The following PRR5L variants were observed in gnomAD, a reference collection of about 807,000 sequenced individuals.
PRR5L encodes the protein proline-rich protein 5-like.
Under a neutral mutation model 36.4 loss-of-function variants are expected in PRR5L, and 21 were observed. That is an observed-to-expected ratio of 0.58 (90% confidence interval 0.41 to 0.83). The LOEUF (loss-of-function observed/expected upper bound fraction) is 0.83. PRR5L is among the 40% of genes least tolerant of loss of function. PRR5L has a pLI of 0.00. For missense variants in PRR5L, 381 were observed against 473.3 expected, an observed-to-expected ratio of 0.80 and a Z score of 1.81; for synonymous variants, 188 against 197.0, an observed-to-expected ratio of 0.95 and a Z score of 0.38.
intron 2 of PRR5L, 129 bp downstream of exon 2, chr11:36,401,414 G>C (rs867955566): frequency 1.1e-6 from 1 of 898,204 alleles, no homozygotes; most frequent in Middle Eastern, 3.1e-4. Context: ...ATAATGACGA[G>C]AGCAAATTTT....
rs185591580 is a variant in PRR5L at position 36,420,696 on chromosome 11, G to C, written c.294+1393G>C. Among the ~76,000 whole-genome samples the C allele has an allele frequency of 7.6e-4, 115 of 151,710 alleles. 2 individuals carry two copies. Among genetic ancestry groups the C allele is most frequent in the Middle Eastern group, 3.4e-3 (1 of 290 alleles). ...AGCAATGTTATTCTGTGTCCAAATA[G>C]AGCATACTTTTAAGACAGTTTAAAG... On this transcript the variant is annotated intron_variant, in intron 4 of 8. Coordinates refer to ENST00000530639, the MANE Select transcript of PRR5L (RefSeq NM_001160167.2).
intron 1 of PRR5L, among the ~76,000 whole-genome samples, chr11:36,385,214 T>C (rs1346633422): frequency 6.6e-6 from 1 of 152,218 alleles, no homozygotes; most frequent in African/African-American, 2.4e-5. Context: ...TGTTTGTGTC[T>C]AGACTTTTTG....
At chr11:36,360,033 T>TCACACACACACA (rs34561988) in intron 1 of PRR5L, among the ~76,000 whole-genome samples, 1 of 146,570 alleles carries the variant, frequency 6.8e-6, no homozygotes, top group Non-Finnish European at 1.5e-5. Flanking sequence ...TGAGACTCTG[T>TCACACACACACA]CACACACACA....
chr11:36,408,760 C>G (rs1857963329), intron 3 of PRR5L, among the ~76,000 whole-genome samples: 1 of 152,186 alleles, frequency 6.6e-6, no homozygotes, highest in Admixed American at 6.5e-5. Flanking sequence ...TCTGCCACCT[C>G]TCCCACTGAT....
chr11:36,437,258 C>G, intron 5 of PRR5L, 127 bp from the exon 6 acceptor site: 1 of 775,282 alleles, frequency 1.3e-6, no homozygotes, highest in Non-Finnish European at 2.3e-6. Flanking sequence ...TTTAATAGCT[C>G]CTGGCTGCAA....
chr11:36,335,172 G>T (rs35926003), intron 1 of PRR5L, among the ~76,000 whole-genome samples: 4,388 of 151,866 alleles, frequency 0.029, 87 homozygotes, highest in Middle Eastern at 0.044. Flanking sequence ...TTGTGGCCTC[G>T]ACCTCAGCCT....
chr11:36,345,103 C>T (rs922668906), intron 1 of PRR5L, among the ~76,000 whole-genome samples: 3 of 152,074 alleles, frequency 2.0e-5, no homozygotes, highest in East Asian at 3.9e-4. Context: ...GTGAGAGCAG[C>T]GGCAGGAAGG....
intron 3 of PRR5L, among the ~76,000 whole-genome samples, chr11:36,413,725 A>T (rs1295871223): frequency 7.0e-6 from 1 of 142,304 alleles, no homozygotes; most frequent in East Asian, 1.9e-4. Flanking sequence ...ATTTTATTTT[A>T]TTATTATTAT....
At chr11:36,372,232 C>A (rs529048593) in intron 1 of PRR5L, among the ~76,000 whole-genome samples, 1 of 152,200 alleles carries the variant, frequency 6.6e-6, no homozygotes, top group South Asian at 2.1e-4. Flanking sequence ...AGTCACCTAA[C>A]CCTGCCTGAA....
chr11:36,412,328 C>T (rs554521091), intron 3 of PRR5L, among the ~76,000 whole-genome samples: 5 of 152,174 alleles, frequency 3.3e-5, no homozygotes, highest in Non-Finnish European at 4.4e-5. Context: ...TGGTGTCCAG[C>T]ACCCAGCAAG....
At chr11:36,431,610 A>C (rs1858496035) in intron 4 of PRR5L, among the ~76,000 whole-genome samples, 1 of 152,076 alleles carries the variant, frequency 6.6e-6, no homozygotes, top group Non-Finnish European at 1.5e-5. Flanking sequence ...CCCTCGTCTG[A>C]GGGATGAGGG....
intron 6 of PRR5L, among the ~76,000 whole-genome samples, chr11:36,441,000 C>A (rs1415245073): frequency 2.6e-5 from 4 of 152,204 alleles, no homozygotes; most frequent in Non-Finnish European, 5.9e-5. Context: ...AGGGATCTGT[C>A]CCTATGACTC....
In PRR5L at chr11:36,384,351, G is replaced by T. The variant is rs11033581; in HGVS notation, c.-125-16646G>T. ...TTGTCCATCTTCAATTACAGCCCTT[G>T]GTGTCTGCATTTATAGTATTACTTT... On this transcript the variant is annotated intron_variant, in intron 1 of 8. Transcript: ENST00000530639. 5.4e-3 allele frequency among the ~76,000 whole-genome samples: 829 copies of T among 152,192 alleles called. 34 individuals carry two copies. The East Asian group carries it at 0.11, about 19-fold the overall frequency.
chr11:36,404,929 T>C (rs1037357469), intron 3 of PRR5L, among the ~76,000 whole-genome samples: 1 of 152,194 alleles, frequency 6.6e-6, no homozygotes, highest in East Asian at 1.9e-4. Flanking sequence ...AACACACACG[T>C]TGCGAAGTTT....
At chr11:36,349,656 C>G (rs563254192) in intron 1 of PRR5L, among the ~76,000 whole-genome samples, 1 of 152,292 alleles carries the variant, frequency 6.6e-6, no homozygotes, top group South Asian at 2.1e-4. Flanking sequence ...CACATCTTCC[C>G]CATTCTGTGG....
intron 5 of PRR5L, among the ~76,000 whole-genome samples, chr11:36,435,133 G>A (rs1395157060): frequency 6.6e-6 from 1 of 152,084 alleles, no homozygotes; most frequent in East Asian, 1.9e-4. Context: ...CCAGGTGCTG[G>A]AGTTCACCTT....
Position 36,344,933 on chromosome 11 carries a change from G to A in PRR5L, c.-126+48495G>A, listed in dbSNP as rs548505062. Among the ~76,000 whole-genome samples, 4 of 152,142 alleles carry A rather than the reference G, an allele frequency of 2.6e-5. No individual in the cohort carries two copies. Among genetic ancestry groups the A allele is most frequent in the Admixed American group, 6.5e-5 (1 of 15,284 alleles). On this transcript the variant is annotated intron_variant, in intron 1 of 8. Transcript: ENST00000530639. The surrounding 1 kb of genome is among the most constrained non-coding windows in gnomAD (Gnocchi z 4.1). The stretch of plus-strand genomic sequence containing the variant: ...TTTGTTAAAATTTAGCAACAACAAA[G>A]TCATCAAATTTTCAGGCAGGGGCCA...
At chr11:36,416,940 C>T (rs369951231) in intron 3 of PRR5L, among the ~76,000 whole-genome samples, 100 of 152,312 alleles carry the variant, frequency 6.6e-4, no homozygotes, top group Middle Eastern at 3.4e-3. Context: ...AGCCCAAACT[C>T]ACAATTATTA....
chr11:36,323,920 A>C (rs534292524), intron 1 of PRR5L, among the ~76,000 whole-genome samples: 1 of 152,296 alleles, frequency 6.6e-6, no homozygotes, highest in African/African-American at 2.4e-5. Context: ...AAGACTAATA[A>C]TACCGTGTAT....
Sources: allele counts gnomAD v4.1 joint callset (sites outside exome capture counted in the v4.1 genomes callset), GRCh38; gene constraint gnomAD v4.1.1; non-coding constraint Gnocchi (gnomAD v3.1); transcripts MANE v1.5; gene names NCBI Gene and HGNC (gene_info 2026-07-23, HGNC 2026-07-21).